ANKMY1: variants seen among roughly 807,000 people sequenced by gnomAD.
ANKMY1 encodes the protein ankyrin repeat and MYND domain containing 1.
In ANKMY1, 98 loss-of-function variants were observed where a neutral mutation model predicts 102.0. That is an observed-to-expected ratio of 0.96 (90% CI 0.82 to 1.14). The LOEUF (loss-of-function observed/expected upper bound fraction) is 1.14. Ranked by LOEUF, ANKMY1 falls within the 50% of genes most tolerant of loss-of-function variation. The pLI is 0.00. For synonymous variants in ANKMY1, 582 were observed against 559.9 expected (o/e 1.04, Z -0.56); for missense variants, 1,330 against 1,347.6 (o/e 0.99, Z 0.20).
intron 4 of ANKMY1, among the ~76,000 whole-genome samples, chr2:240,550,890 T>C (rs1310881262): frequency 6.6e-6 from 1 of 152,218 alleles, no homozygotes; most frequent in Non-Finnish European, 1.5e-5. Flanking sequence ...TCATCCACAA[T>C]TGTTTTGCTT....
chr2:240,557,978 C>T lies in ANKMY1; in HGVS notation c.-115G>A, dbSNP rs1247622912. 2.6e-5 allele frequency: 26 copies of T among 985,496 alleles called. No individual in the cohort carries two copies. The highest frequency in any genetic ancestry group is 3.0e-5 in the Non-Finnish European group (25 of 830,064). 61.0% of individuals were successfully genotyped at this position (985,496 alleles called of 1,614,324 possible). ...GCTCCCGTCCCGACTGCTTGCCAGC[C>T]CTGCGCCTACGGAGAGCGTCGCGTT... On this transcript the variant is annotated 5_prime_UTR_variant, in exon 1 of 18. Transcript: ENST00000401804.
downstream of ANKMY1, among the ~76,000 whole-genome samples, chr2:240,475,851 T>C (rs1574824171): frequency 6.6e-6 from 1 of 152,154 alleles, no homozygotes; most frequent in East Asian, 1.9e-4. Context: ...ATGAGAGAAA[T>C]TAAGGTACAA....
chr2:240,557,416 C>T (rs939267802), intron 1 of ANKMY1, 64 bp from the exon 2 acceptor site: 1 of 1,403,402 alleles, frequency 7.1e-7, no homozygotes, highest in African/African-American at 1.5e-5. Context: ...CAGAGGGCGC[C>T]CGAGGCCCGG....
intron 15 of ANKMY1, among the ~76,000 whole-genome samples, chr2:240,489,246 G>A (rs1361394902): frequency 6.6e-6 from 1 of 152,160 alleles, no homozygotes; most frequent in Non-Finnish European, 1.5e-5. Flanking sequence ...CTGAGGTCAG[G>A]AGTTCGAGAC....
chr2:240,554,863 T>C lies in ANKMY1; in HGVS notation c.336+3A>G. ...GAGGCGGAGAAAGTGTGGAAGCAGT[T>C]ACCTCGCCTGTGGGCCAAGAGAATT... On this transcript the variant is annotated splice_donor_region_variant and intron_variant, in intron 3 of 17. Transcript: ENST00000401804. 1 of 1,614,094 alleles carries C rather than the reference T, an allele frequency of 6.2e-7. No individual in the cohort carries two copies. The highest frequency in any genetic ancestry group is 8.5e-7 in the Non-Finnish European group (1 of 1,179,976).
the ANKMY1 span, among the ~76,000 whole-genome samples, chr2:240,472,942 C>T: frequency 6.6e-6 from 1 of 151,894 alleles, no homozygotes; most frequent in Non-Finnish European, 1.5e-5. Context: ...CTGGCCAACA[C>T]GGTGAAACCT....
At chr2:240,478,509 T>C (rs2075009939), downstream of ANKMY1, among the ~76,000 whole-genome samples, 1 of 151,972 alleles carries the variant, frequency 6.6e-6, no homozygotes, top group African/African-American at 2.4e-5. Flanking sequence ...GCTCACACAG[T>C]TACGACCCTC....
At position 240,499,486 on chromosome 2, in the gene ANKMY1, G is replaced by A. The variant is rs551291447; in HGVS notation, c.2806+472C>T. On this transcript the variant is annotated intron_variant, in intron 15 of 17. Transcript: ENST00000401804. This position sits in a 1 kb window ranked among gnomAD's most constrained non-coding sequence, Gnocchi z 4.2. ...TGAGTACGTGGGTGTGGGTACATGG[G>A]GGAGTAGATGTCAGTAGGTACTGCG... 1.6e-3 allele frequency among the ~76,000 whole-genome samples: 245 copies of A among 151,986 alleles called. 1 individual carries two copies. Among genetic ancestry groups the A allele is most frequent in the African/African-American group, 5.6e-3 (233 of 41,406 alleles).
intron 9 of ANKMY1, among the ~76,000 whole-genome samples, chr2:240,514,703 T>C (rs1250100061): frequency 7.9e-5 from 12 of 152,250 alleles, no homozygotes; most frequent in Non-Finnish European, 1.5e-5. Context: ...CAAAATGCAT[T>C]GAAGAGCAAA....
intron 7 of ANKMY1, 26 bp from the exon 8 acceptor site, chr2:240,524,407 AT>A: frequency 6.4e-7 from 1 of 1,570,606 alleles, no homozygotes; most frequent in Non-Finnish European, 8.6e-7. Flanking sequence ...AAAAAGTGTC[AT>A]TAGAATAAAT....
At chr2:240,550,121 G>A (rs2091225917) in intron 4 of ANKMY1, among the ~76,000 whole-genome samples, 1 of 151,776 alleles carries the variant, frequency 6.6e-6, no homozygotes, top group African/African-American at 2.4e-5. Context: ...CAACCCAAAT[G>A]TCCAACAATG....
chr2:240,547,093 T>A, intron 4 of ANKMY1, among the ~76,000 whole-genome samples: 1 of 152,072 alleles, frequency 6.6e-6, no homozygotes, highest in Non-Finnish European at 1.5e-5. Context: ...TATTCCAAAA[T>A]TGACCACATA....
At chr2:240,502,086 C>CACAGGGGTGTGGTGATGG (rs2078284973) in intron 13 of ANKMY1, among the ~76,000 whole-genome samples, 1 of 152,156 alleles carries the variant, frequency 6.6e-6, no homozygotes, top group South Asian at 2.1e-4. Context: ...TACAGGCTGC[C>CACAGGGGTGTGGTGATGG]ACAGGGGTGT....
Position 240,552,946 on chromosome 2 carries a change from C to T in ANKMY1, c.448G>A (p.Gly150Ser), listed in dbSNP as rs192205980. The change falls in exon 4 of 18, where the codon GGC becomes AGC. Residue 150 changes from glycine (G) to serine (S), a missense_variant. Gly to Ser is a moderately conservative substitution (Grantham distance 56). Transcript: ENST00000401804. ...TFYLSHREGY[G>S]TMYMKTRLFQ... is the part of the protein sequence containing the mutation. ...AGCCGTGTCTTCATGTACATGGTGC[C>T]GTAGCCTTCTCGGTGGCTGAGGTAA... 6.2e-6 allele frequency: 10 copies of T among 1,613,824 alleles called. No homozygotes were observed. Among genetic ancestry groups the T allele is most frequent in the African/African-American group, 1.3e-5 (1 of 74,984 alleles).
Position 240,529,627 on chromosome 2 carries a change from T to G in ANKMY1, c.481-118A>C. The G allele has an allele frequency of 5.6e-5, 52 of 927,550 alleles. No homozygotes were observed. Among genetic ancestry groups the G allele is most frequent in the Non-Finnish European group, 6.4e-5 (41 of 636,834 alleles). 57.5% of individuals were successfully genotyped at this position (927,550 alleles called of 1,614,324 possible). A position where few individuals can be genotyped will look rare whatever the true frequency, so the allele number is the denominator to read the frequency against. On this transcript the variant is annotated intron_variant, in intron 4 of 17. Coordinates refer to ENST00000401804, the MANE Select transcript of ANKMY1 (RefSeq NM_001282771.3). This position sits in a 1 kb window ranked among gnomAD's most constrained non-coding sequence, Gnocchi z 4.2. ...AAAACTTTCCCAAGAAATGCATGCA[T>G]TCAGCCAGTAAACATCTCTGGAGGC...
intron 4 of ANKMY1, among the ~76,000 whole-genome samples, chr2:240,542,747 T>C (rs572846220): frequency 2.0e-5 from 3 of 149,270 alleles, no homozygotes; most frequent in African/African-American, 7.3e-5. Flanking sequence ...TATGTATAAA[T>C]TTATTATGTT....
At position 240,554,860 on chromosome 2, in the gene ANKMY1, A is replaced by G; in HGVS notation, c.336+6T>C. 1 of 1,614,088 alleles carries G rather than the reference A, an allele frequency of 6.2e-7. No individual in the cohort carries two copies. Among genetic ancestry groups the G allele is most frequent in the Non-Finnish European group, 8.5e-7 (1 of 1,179,930 alleles). On this transcript the variant is annotated splice_donor_region_variant and intron_variant, in intron 3 of 17. Coordinates refer to ENST00000401804, the MANE Select transcript of ANKMY1 (RefSeq NM_001282771.3). Reference sequence around the variant, plus strand: ...GAGGAGGCGGAGAAAGTGTGGAAGCAGTTACCTCGCCTGTGGGCCAAGAGA... The same window carrying G: ...GAGGAGGCGGAGAAAGTGTGGAAGCGGTTACCTCGCCTGTGGGCCAAGAGA...
In ANKMY1 at chr2:240,529,259, T is replaced by C. The variant is rs761667210; in HGVS notation, c.731A>G (p.Tyr244Cys). The change falls in exon 5 of 18, where the codon TAT (tyrosine) becomes TGT (cysteine). Residue 244 changes from tyrosine (Y) to cysteine (C), a missense_variant. By Grantham distance (194) the Tyr-to-Cys change is radical. Transcript: ENST00000401804. The surrounding 1 kb of genome is among the most constrained non-coding windows in gnomAD (Gnocchi z 4.2). ...QEGQDPFFYD[Y>C]KRFLLNDNLT... Reference sequence around the variant, plus strand: ...GTTGTCATTCAGAAGAAACCGCTTATAGTCATAGAAAAAGGGATCCTGTCC... The same window carrying C: ...GTTGTCATTCAGAAGAAACCGCTTACAGTCATAGAAAAAGGGATCCTGTCC... 1.2e-5 allele frequency: 19 copies of C among 1,614,148 alleles called. No individual in the cohort carries two copies. The highest frequency in any genetic ancestry group is 4.4e-5 in the South Asian group (4 of 91,082).
chr2:240,501,100 G>A (rs2078105587), intron 13 of ANKMY1, among the ~76,000 whole-genome samples: 1 of 152,068 alleles, frequency 6.6e-6, no homozygotes, highest in South Asian at 2.1e-4. Flanking sequence ...GCGTGTATGT[G>A]GGTGTGTGGA....
Sources: gnomAD v4.1 joint callset for allele counts (sites outside exome capture counted in the v4.1 genomes callset) on GRCh38, gnomAD v4.1.1 for gene constraint, Gnocchi (gnomAD v3.1) non-coding constraint, MANE v1.5 for transcripts, NCBI Gene and HGNC (gene_info 2026-07-23, HGNC 2026-07-21) for gene names.